The following TENM2 variants were observed in gnomAD, a reference collection of about 807,000 sequenced individuals.
The protein encoded by TENM2 is teneurin transmembrane protein 2.
A neutral mutation model predicts 245.2 loss-of-function variants in TENM2; 52 were observed. That is an observed-to-expected ratio of 0.21 (90% CI 0.17 to 0.27). TENM2 has a LOEUF of 0.27. Among genes scored for constraint, TENM2 ranks in the 10% least tolerant of loss-of-function variants. The probability of loss-of-function intolerance (pLI) is 1.00; values close to 1 mark genes in which losing one functional copy is unlikely to be tolerated. For missense variants in TENM2, 3,046 were observed against 3,666.8 expected, an observed-to-expected ratio of 0.83 and a Z score of 4.37; for synonymous variants, 1,363 against 1,438.9, an observed-to-expected ratio of 0.95 and a Z score of 1.19.
intron 25 of TENM2, among the ~76,000 whole-genome samples, chr5:168,238,734 A>C (rs562244292): frequency 6.6e-6 from 1 of 152,050 alleles, no homozygotes; most frequent in Non-Finnish European, 1.5e-5. Flanking sequence ...GCTTGGTGAG[A>C]TCAAAACGTT....
rs369717957 is a variant in TENM2 at position 167,928,729 on chromosome 5, A to G, written c.713-23859A>G. 5.8e-4 allele frequency among the ~76,000 whole-genome samples: 88 copies of G among 151,724 alleles called. No individual in the cohort carries two copies. In the South Asian group the frequency reaches 0.01, roughly 17 times the overall value. On this transcript the variant is annotated intron_variant, in intron 3 of 28. Transcript: ENST00000518659. ...GCAAACGTGGTGAAACCCCATCTCT[A>G]CTAAAAATACAAAAAAATTAGCTAG...
chr5:167,224,312 T>C, the TENM2 span, among the ~76,000 whole-genome samples: 6 of 152,216 alleles, frequency 3.9e-5, no homozygotes, highest in Non-Finnish European at 5.9e-5. Flanking sequence ...CTAGTGGCTT[T>C]ATTGTTTTGG....
At chr5:167,864,478 C>T (rs952803381) in intron 2 of TENM2, among the ~76,000 whole-genome samples, 2 of 152,168 alleles carry the variant, frequency 1.3e-5, no homozygotes, top group South Asian at 2.1e-4. Context: ...TAGTGAAGTA[C>T]GTTTCCACAC....
At position 168,247,090 on chromosome 5, in the gene TENM2, A is replaced by C. The variant is rs1478497951; in HGVS notation, c.6151A>C (p.Met2051Leu). 6.2e-7 allele frequency: 1 copy of C among 1,613,912 alleles called. No individual in the cohort carries two copies. ...TGACGAGACCACTGGTGTCTTGAAG[A>C]TGGTCAACCTCCAAAGTGGGGGCTT... Residue 2051 changes from methionine (M) to leucine (L), a missense_variant, in exon 27 of 29, where the codon ATG (methionine) becomes CTG (leucine). Transcript: ENST00000518659. The surrounding 1 kb of genome is among the most constrained non-coding windows in gnomAD (Gnocchi z 7.8).
chr5:168,020,682 A>C (rs1786065508), intron 5 of TENM2, among the ~76,000 whole-genome samples: 1 of 152,136 alleles, frequency 6.6e-6, no homozygotes, highest in Non-Finnish European at 1.5e-5. Context: ...CGGCTTCCCA[A>C]ACTGATATGT....
rs1275688569 is a variant in TENM2, at chr5:167,445,330, T to TAGAGAGAGAGAGAG, written c.502+69858_502+69859insGAGAGAGAGAGAGA. On this transcript the variant is annotated intron_variant, in intron 2 of 28. Coordinates refer to ENST00000518659, the Ensembl canonical transcript of TENM2. ...ATATGATTATATATATATATATATA[T>TAGAGAGAGAGAGAG]ATATATAGAGAGAGAGAGAGAGAGA... is the stretch of plus-strand genomic sequence containing the variant. Among the ~76,000 whole-genome samples the TAGAGAGAGAGAGAG allele has an allele frequency of 4.3e-3, 209 of 49,030 alleles. 2 individuals carry two copies. The highest frequency in any genetic ancestry group is 6.3e-3 in the Non-Finnish European group (171 of 27,208). 32.2% of individuals were successfully genotyped at this position (49,030 alleles called of 152,430 possible).
At chr5:167,202,754 C>G in the TENM2 span, among the ~76,000 whole-genome samples, 1 of 152,112 alleles carries the variant, frequency 6.6e-6, no homozygotes. Flanking sequence ...CTGAGTCACA[C>G]GGGAGGATGA....
intron 19 of TENM2, among the ~76,000 whole-genome samples, chr5:168,211,141 G>C (rs953197283): frequency 6.6e-6 from 1 of 152,218 alleles, no homozygotes. Context: ...ATGGAGCAGG[G>C]AAAGGAAGTG....
intron 3 of TENM2, among the ~76,000 whole-genome samples, chr5:167,947,145 C>G (rs1306050785): frequency 4.6e-5 from 7 of 152,094 alleles, no homozygotes; most frequent in Non-Finnish European, 8.8e-5. Context: ...TTGAATATCC[C>G]CCTCCAAGAA....
At chr5:168,095,476 G>A (rs935574968) in intron 8 of TENM2, among the ~76,000 whole-genome samples, 8 of 152,164 alleles carry the variant, frequency 5.3e-5, no homozygotes, top group Admixed American at 5.2e-4. Flanking sequence ...AGAGTAGAGA[G>A]GCCCTCCCTG....
intron 3 of TENM2, among the ~76,000 whole-genome samples, chr5:167,929,604 A>T (rs191403023): frequency 6.6e-6 from 1 of 152,278 alleles, no homozygotes; most frequent in East Asian, 1.9e-4. Context: ...CATACAATAG[A>T]TGCTTCATAA....
chr5:167,445,336 T>TATAGAGAGAGAGAGAGAGAGAG (rs368881390), intron 2 of TENM2, among the ~76,000 whole-genome samples: 6 of 77,306 alleles, frequency 7.8e-5, no homozygotes, highest in African/African-American at 1.1e-4. Context: ...TATATATATA[T>TATAGAGAGAGAGAGAGAGAGAG]AGAGAGAGAG....
At chr5:167,600,457 C>T (rs1167887757) in intron 2 of TENM2, among the ~76,000 whole-genome samples, 4 of 152,082 alleles carry the variant, frequency 2.6e-5, no homozygotes, top group Admixed American at 6.5e-5. Context: ...TAACATCCCC[C>T]ATTGCCTTGT....
chr5:167,892,242 A>T (rs1247579885), intron 3 of TENM2, among the ~76,000 whole-genome samples: 1 of 152,238 alleles, frequency 6.6e-6, no homozygotes, highest in African/African-American at 2.4e-5. Context: ...AGAATGGATG[A>T]TCTGTAGCAC....
At chr5:168,134,636 G>A (rs893443811) in intron 12 of TENM2, among the ~76,000 whole-genome samples, 13 of 152,110 alleles carry the variant, frequency 8.5e-5, no homozygotes, top group East Asian at 5.8e-4. Context: ...GCAGTGAGCC[G>A]AGATTGCGCC....
chr5:167,654,821 G>C (rs1484594819), intron 2 of TENM2, among the ~76,000 whole-genome samples: 1 of 151,994 alleles, frequency 6.6e-6, no homozygotes, highest in Non-Finnish European at 1.5e-5. Context: ...GTCTGTTGTG[G>C]AGCCTGAATT....
At chr5:167,316,548 T>C (rs1361172870) in intron 1 of TENM2, among the ~76,000 whole-genome samples, 1 of 152,230 alleles carries the variant, frequency 6.6e-6, no homozygotes, top group Non-Finnish European at 1.5e-5. Context: ...CAGTTAGGTA[T>C]GAGTATCCAT....
chr5:167,582,704 A>G (rs924629745), intron 2 of TENM2, among the ~76,000 whole-genome samples: 1 of 152,208 alleles, frequency 6.6e-6, no homozygotes, highest in African/African-American at 2.4e-5. Context: ...CCAAGCTGTA[A>G]TTACTTTATT....
chr5:167,675,309 G>A (rs1041076888), intron 2 of TENM2, among the ~76,000 whole-genome samples: 3 of 152,178 alleles, frequency 2.0e-5, no homozygotes, highest in South Asian at 2.1e-4. Flanking sequence ...TGTAGAATTC[G>A]ATAGTAAATT....
Sources: gnomAD v4.1 joint callset for allele counts (sites outside exome capture counted in the v4.1 genomes callset) on GRCh38, gnomAD v4.1.1 for gene constraint, Gnocchi (gnomAD v3.1) non-coding constraint, MANE v1.5 for transcripts, NCBI Gene and HGNC (gene_info 2026-07-23, HGNC 2026-07-21) for gene names.